CWC27: variants seen among roughly 807,000 people sequenced by gnomAD.
The protein encoded by CWC27 is CWC27 spliceosome associated cyclophilin, also known as spliceosome-associated protein CWC27 homolog.
In CWC27, 47 loss-of-function variants were observed where a neutral mutation model predicts 63.6. That is an observed-to-expected ratio of 0.74 (90% CI 0.58 to 0.94). The LOEUF (loss-of-function observed/expected upper bound fraction) is 0.94. Ranked by LOEUF, CWC27 falls within the 40% of genes least tolerant of loss-of-function variation. CWC27 has a pLI of 0.00. For missense variants in CWC27, 495 were observed against 554.3 expected (o/e 0.89, Z 1.07); for synonymous variants, 175 against 179.8 (o/e 0.97, Z 0.22).
intron 11 of CWC27, among the ~76,000 whole-genome samples, chr5:64,906,878 T>C (rs557662202): frequency 2.6e-5 from 4 of 152,362 alleles, no homozygotes; most frequent in African/African-American, 9.6e-5. Context: ...CAGTTTCAGC[T>C]TTCTATATTC....
chr5:64,903,883 C>T (rs1747564961), intron 11 of CWC27, among the ~76,000 whole-genome samples: 1 of 152,048 alleles, frequency 6.6e-6, no homozygotes, highest in African/African-American at 2.4e-5. Context: ...AGAGTTTATC[C>T]ACATTGTATC....
At chr5:64,848,590 A>T (rs959102901) in intron 10 of CWC27, among the ~76,000 whole-genome samples, 4 of 152,194 alleles carry the variant, frequency 2.6e-5, no homozygotes, top group Admixed American at 6.5e-5. Context: ...AATCCTCAAG[A>T]AAATACTGGA....
chr5:64,912,867 C>T (rs1411338763), intron 11 of CWC27, among the ~76,000 whole-genome samples: 1 of 152,122 alleles, frequency 6.6e-6, no homozygotes, highest in Non-Finnish European at 1.5e-5. Flanking sequence ...ACCAGTCTTA[C>T]AGAAACTCAT....
chr5:64,809,371 T>C (rs1004141158), intron 10 of CWC27, among the ~76,000 whole-genome samples: 7 of 151,686 alleles, frequency 4.6e-5, no homozygotes, highest in Non-Finnish European at 1.0e-4. Flanking sequence ...AAGCTTATTC[T>C]TTTTTTTTGT....
chr5:64,967,226 A>G (rs770523444), intron 11 of CWC27, among the ~76,000 whole-genome samples: 5 of 152,194 alleles, frequency 3.3e-5, no homozygotes, highest in Middle Eastern at 3.4e-3. Context: ...CCTCACTCCT[A>G]TCTCACACCA....
intron 2 of CWC27, among the ~76,000 whole-genome samples, chr5:64,779,321 C>G (rs1388239466): frequency 6.6e-6 from 1 of 152,146 alleles, no homozygotes; most frequent in Non-Finnish European, 1.5e-5. Flanking sequence ...CTGCCTAACT[C>G]GATGATTGGC....
intron 11 of CWC27, among the ~76,000 whole-genome samples, chr5:64,968,575 A>C (rs1749065025): frequency 6.6e-6 from 1 of 152,216 alleles, no homozygotes; most frequent in South Asian, 2.1e-4. Flanking sequence ...GTTGCTCACC[A>C]AAATAAGCCA....
chr5:64,861,207 C>G (rs1353549720), intron 10 of CWC27, among the ~76,000 whole-genome samples: 5 of 152,032 alleles, frequency 3.3e-5, no homozygotes, highest in Admixed American at 6.6e-5. Context: ...AGACATATTC[C>G]TAAAGTATCA....
At chr5:64,824,479 A>G (rs1156232198) in intron 10 of CWC27, among the ~76,000 whole-genome samples, 1 of 132,594 alleles carries the variant, frequency 7.5e-6, no homozygotes, top group Non-Finnish European at 1.7e-5. Context: ...AAGATGGTGA[A>G]TGATTAGTAA....
At chr5:64,888,194 C>T (rs1747122728) in intron 11 of CWC27, among the ~76,000 whole-genome samples, 2 of 150,982 alleles carry the variant, frequency 1.3e-5, no homozygotes, top group African/African-American at 2.4e-5. Context: ...TAAAAGGGCA[C>T]ACAAGCTAAC....
At chr5:65,012,647 T>C (rs1319599675) in intron 13 of CWC27, among the ~76,000 whole-genome samples, 1 of 152,184 alleles carries the variant, frequency 6.6e-6, no homozygotes, top group Non-Finnish European at 1.5e-5. Context: ...CTCATTGCCT[T>C]TTCCTCAAAT....
chr5:64,817,115 T>C (rs1403711429), intron 10 of CWC27, among the ~76,000 whole-genome samples: 1 of 152,086 alleles, frequency 6.6e-6, no homozygotes, highest in African/African-American at 2.4e-5. Context: ...CACTTTACTC[T>C]TTTTGCTCAC....
At chr5:64,771,345 G>A (rs1409030843) in intron 1 of CWC27, among the ~76,000 whole-genome samples, 1 of 152,186 alleles carries the variant, frequency 6.6e-6, no homozygotes, top group East Asian at 1.9e-4. Flanking sequence ...GAGTAAATGG[G>A]ACAAAATTCC....
At chr5:65,006,626 T>C (rs905211274) in intron 13 of CWC27, among the ~76,000 whole-genome samples, 3 of 152,166 alleles carry the variant, frequency 2.0e-5, no homozygotes, top group Non-Finnish European at 4.4e-5. Context: ...AATTATTTTA[T>C]AAACCTAATA....
At chr5:64,996,885 A>G (rs1237914033) in intron 13 of CWC27, among the ~76,000 whole-genome samples, 1 of 152,092 alleles carries the variant, frequency 6.6e-6, no homozygotes, top group Non-Finnish European at 1.5e-5. Flanking sequence ...CAGTTTCTCT[A>G]AGTTAGCTAG....
intron 13 of CWC27, among the ~76,000 whole-genome samples, chr5:65,008,504 C>T (rs919698879): frequency 4.6e-5 from 7 of 152,012 alleles, no homozygotes; most frequent in East Asian, 1.9e-4. Flanking sequence ...GAACTTTATC[C>T]GACCCACTAT....
chr5:64,835,469 G>A (rs1279230353), intron 10 of CWC27, among the ~76,000 whole-genome samples: 1 of 151,658 alleles, frequency 6.6e-6, no homozygotes, highest in Admixed American at 6.6e-5. Context: ...TATATATTTT[G>A]GCTTGGCATG....
rs58675990 is a variant in CWC27, at chr5:64,772,624, C to CAA, written c.43-2037_43-2036dup. Among the ~76,000 whole-genome samples, 37 of 52,174 alleles carry CAA rather than the reference C, an allele frequency of 7.1e-4. 1 individual carries two copies. The highest frequency in any genetic ancestry group is 1.2e-3 in the Admixed American group (5 of 4,054). The allele number at this position is 52,174 out of a possible 152,430, so 34.2% of individuals were successfully genotyped here. On this transcript the variant is annotated intron_variant, in intron 1 of 13. Coordinates refer to ENST00000381070, the MANE Select transcript of CWC27 (RefSeq NM_005869.4). ...TCTGGGAGACAGTGAGACTCTGTCT[C>CAA]AAAAAAAAAAAAAAAAAAAAAAAAA...
chr5:64,979,271 C>A (rs188414637), intron 13 of CWC27, among the ~76,000 whole-genome samples: 1 of 152,172 alleles, frequency 6.6e-6, no homozygotes, highest in African/African-American at 2.4e-5. Context: ...GTCTTCAGGG[C>A]GTTCATATCT....
Sources: gnomAD v4.1 joint callset for allele counts (sites outside exome capture counted in the v4.1 genomes callset) on GRCh38, gnomAD v4.1.1 for gene constraint, MANE v1.5 for transcripts, NCBI Gene and HGNC (gene_info 2026-07-23, HGNC 2026-07-21) for gene names.